ST18: variants seen among roughly 807,000 people sequenced by gnomAD.
ST18 encodes ST18 C2H2C-type zinc finger transcription factor.
Under a neutral mutation model 110.0 loss-of-function variants are expected in ST18, and 50 were observed. The observed-to-expected ratio is 0.45, with a 90% CI of 0.36 to 0.58. ST18 has a LOEUF of 0.58. Ranked by LOEUF, ST18 falls within the 20% of genes least tolerant of loss-of-function variation. ST18 has a pLI of 0.00. For missense variants in ST18, 1,306 were observed against 1,280.1 expected (o/e 1.02, Z -0.31); for synonymous variants, 461 against 452.4 (o/e 1.02, Z -0.24).
At chr8:52,212,925 T>C (rs112098960) in intron 7 of ST18, among the ~76,000 whole-genome samples, 2,474 of 152,224 alleles carry the variant, frequency 0.016, 30 homozygotes, top group South Asian at 0.059. Flanking sequence ...AAATAAGAAA[T>C]TCAAATAATC....
intron 19 of ST18, among the ~76,000 whole-genome samples, chr8:52,134,559 A>T (rs957662962): frequency 3.9e-5 from 6 of 152,150 alleles, no homozygotes; most frequent in Non-Finnish European, 7.4e-5. Flanking sequence ...CTTTCACAGA[A>T]TGCATTTATA....
chr8:52,154,872 C>A (rs2059645905), intron 15 of ST18: 1 of 148,126 alleles, frequency 6.8e-6, no homozygotes. Context: ...CAGAGCAGAT[C>A]CTCTCAGAAA....
intron 2 of ST18, chr8:52,404,850 T>A (rs1349115104): frequency 6.6e-6 from 1 of 152,188 alleles, no homozygotes; most frequent in African/African-American, 2.4e-5. Context: ...TTTAAAAAAA[T>A]TATTTTTTCC....
At position 52,161,374 on chromosome 8, in the gene ST18, C is replaced by T; in HGVS notation, c.1594+1G>A. The T allele has an allele frequency of 6.2e-7, 1 of 1,612,880 alleles. No individual in the cohort carries two copies. Among genetic ancestry groups the T allele is most frequent in the Non-Finnish European group, 8.5e-7 (1 of 1,179,220 alleles). On this transcript the variant is annotated splice_donor_variant, in intron 14 of 25. Transcript: ENST00000689386. LOFTEE classifies it high-confidence loss of function. ...AAACGGCATTAGAGCTCAAAGCTTA[C>T]ATTCAGGAAATGGTGGTGTTTTTCG...
At chr8:52,198,829 A>G (rs144979380) in intron 8 of ST18, among the ~76,000 whole-genome samples, 1 of 152,208 alleles carries the variant, frequency 6.6e-6, no homozygotes. Flanking sequence ...CAAGCTCCAC[A>G]TATCACTTTC....
At chr8:52,374,885 A>G (rs1477210080) in intron 2 of ST18, among the ~76,000 whole-genome samples, 1 of 152,178 alleles carries the variant, frequency 6.6e-6, no homozygotes, top group African/African-American at 2.4e-5. Flanking sequence ...ATGGCTGCAT[A>G]GTATTCCATC....
chr8:52,378,635 A>G (rs1833328945), intron 2 of ST18, among the ~76,000 whole-genome samples: 1 of 152,200 alleles, frequency 6.6e-6, no homozygotes, highest in Non-Finnish European at 1.5e-5. Context: ...CTATATACAT[A>G]TATGACCCAA....
chr8:52,279,775 C>T (rs376071991), intron 2 of ST18, among the ~76,000 whole-genome samples: 3 of 152,142 alleles, frequency 2.0e-5, no homozygotes, highest in Admixed American at 2.0e-4. Flanking sequence ...GGATATGCAA[C>T]GTGAACAATT....
At chr8:52,338,551 G>A (rs1427518447) in intron 2 of ST18, among the ~76,000 whole-genome samples, 2 of 151,854 alleles carry the variant, frequency 1.3e-5, no homozygotes, top group Non-Finnish European at 2.9e-5. Context: ...AGCCTCCAGA[G>A]TAGCTGGGAC....
rs550553252 is a variant in ST18 at position 52,211,649 on chromosome 8, T to G, written c.86+430A>C. On this transcript the variant is annotated intron_variant, in intron 8 of 25. Coordinates refer to ENST00000689386, the MANE Select transcript of ST18 (RefSeq NM_001352837.2). ...CTTGAACTCCTGAGCTCAGAAAATCTGCTCACCTCAGCCTGGAATCATCTA... is the reference window on the plus strand; with the variant it reads ...CTTGAACTCCTGAGCTCAGAAAATCGGCTCACCTCAGCCTGGAATCATCTA... Among the ~76,000 whole-genome samples, 14 of 152,122 alleles carry G rather than the reference T, an allele frequency of 9.2e-5. 2 individuals carry two copies. The South Asian group carries it at 2.9e-3, about 32-fold the overall frequency.
At chr8:52,205,265 T>C (rs1356087573) in intron 8 of ST18, among the ~76,000 whole-genome samples, 1 of 151,600 alleles carries the variant, frequency 6.6e-6, no homozygotes, top group Non-Finnish European at 1.5e-5. Flanking sequence ...GTTAGGCTAC[T>C]ATGAAGGAAG....
At chr8:52,230,304 G>C (rs1392302622) in intron 2 of ST18, among the ~76,000 whole-genome samples, 1 of 151,684 alleles carries the variant, frequency 6.6e-6, no homozygotes, top group Non-Finnish European at 1.5e-5. Flanking sequence ...ACTGTTATCA[G>C]AAAATGCTTT....
intron 2 of ST18, among the ~76,000 whole-genome samples, chr8:52,328,660 T>C (rs1807651889): frequency 6.6e-6 from 1 of 152,218 alleles, no homozygotes; most frequent in African/African-American, 2.4e-5. Flanking sequence ...GCCTACCATA[T>C]ACAGCATTAT....
intron 25 of ST18, 43 bp from the exon 26 acceptor site, chr8:52,113,381 G>A (rs1448591899): frequency 6.2e-7 from 1 of 1,603,028 alleles, no homozygotes; most frequent in Admixed American, 1.7e-5. Context: ...CAGTGGTTCA[G>A]GCTGAGGGAA....
chr8:52,388,838 A>G (rs1419520837), intron 2 of ST18, among the ~76,000 whole-genome samples: 2 of 127,566 alleles, frequency 1.6e-5, no homozygotes, highest in South Asian at 2.8e-4. Flanking sequence ...GGGGGGAGGG[A>G]TAGCTTTAGG....
At chr8:52,310,609 T>C (rs1178765826) in intron 2 of ST18, among the ~76,000 whole-genome samples, 1 of 146,522 alleles carries the variant, frequency 6.8e-6, no homozygotes, top group Non-Finnish European at 1.5e-5. Context: ...TTTTTAAAAG[T>C]CTACTCATTT....
At chr8:52,166,319 C>A (rs1244434659) in intron 11 of ST18, among the ~76,000 whole-genome samples, 1 of 152,224 alleles carries the variant, frequency 6.6e-6, no homozygotes, top group African/African-American at 2.4e-5. Context: ...AAAATGCAAT[C>A]CAGCCAATCT....
At chr8:52,216,011 C>G (rs1481311119) in intron 6 of ST18, among the ~76,000 whole-genome samples, 1 of 152,208 alleles carries the variant, frequency 6.6e-6, no homozygotes, top group Non-Finnish European at 1.5e-5. Flanking sequence ...CAAAGCAACA[C>G]CAACCTATTG....
rs1344703303 is a variant in ST18 at position 52,221,710 on chromosome 8, T to A, written c.-335A>T. 6.6e-6 allele frequency: 1 copy of A among 152,340 alleles called. No homozygotes were observed. Among genetic ancestry groups the A allele is most frequent in the Non-Finnish European group, 1.5e-5 (1 of 68,032 alleles). The allele number at this position is 152,340 out of a possible 1,614,324, so 9.4% of individuals were successfully genotyped here. ...CAGTATATCAAAGTGCTCAGCTTTTTAATCATAGATTTCTGTGTTTCTTGT... is the reference window on the plus strand; with the variant it reads ...CAGTATATCAAAGTGCTCAGCTTTTAAATCATAGATTTCTGTGTTTCTTGT... On this transcript the variant is annotated 5_prime_UTR_variant, in exon 4 of 26. The change creates a premature stop within an existing upstream ORF in the 5' untranslated region. Transcript: ENST00000689386.
Sources: allele counts gnomAD v4.1 joint callset (sites outside exome capture counted in the v4.1 genomes callset), GRCh38; gene constraint gnomAD v4.1.1; transcripts MANE v1.5; gene names NCBI Gene and HGNC (gene_info 2026-07-23, HGNC 2026-07-21).